The following GGH variants were observed in gnomAD, a reference collection of about 807,000 sequenced individuals.
GGH encodes the protein gamma-glutamyl hydrolase.
A neutral mutation model predicts 39.2 loss-of-function variants in GGH; 18 were observed. The observed-to-expected ratio is 0.46, with a 90% CI of 0.32 to 0.68. The LOEUF (loss-of-function observed/expected upper bound fraction) is 0.68, where lower values mean the gene tolerates loss of function less well. Ranked by LOEUF, GGH falls within the 30% of genes least tolerant of loss-of-function variation. The probability of loss-of-function intolerance (pLI) is 0.04; values close to 1 mark genes in which losing one functional copy is unlikely to be tolerated. For missense variants in GGH, 367 were observed against 384.1 expected (o/e 0.96, Z 0.37); for synonymous variants, 147 against 138.8 (o/e 1.06, Z -0.42).
At chr8:63,037,299 AGT>A (rs1804927582) in intron 1 of GGH, among the ~76,000 whole-genome samples, 1 of 152,178 alleles carries the variant, frequency 6.6e-6, no homozygotes, top group Admixed American at 6.5e-5. Flanking sequence ...TAGGAAATGG[AGT>A]GGTACAGGGT....
At chr8:63,031,946 A>G (rs1343801192) in intron 2 of GGH, among the ~76,000 whole-genome samples, 1 of 152,248 alleles carries the variant, frequency 6.6e-6, no homozygotes, top group Admixed American at 6.5e-5. Context: ...ATTGTTGCCA[A>G]TGGGGAGTGT....
intron 3 of GGH, among the ~76,000 whole-genome samples, chr8:63,027,646 T>C (rs572820053): frequency 8.8e-4 from 134 of 152,244 alleles, no homozygotes; most frequent in African/African-American, 3.1e-3. Context: ...GCCAAATCAA[T>C]TGCAGGTCCA....
intron 5 of GGH, chr8:63,025,041 G>A (rs987072461): frequency 2.0e-5 from 3 of 152,128 alleles, no homozygotes; most frequent in Non-Finnish European, 4.4e-5. Flanking sequence ...AGAAATAGCT[G>A]GTGGCTTCAA....
chr8:63,037,446 C>T (rs1033082665), intron 1 of GGH, among the ~76,000 whole-genome samples: 1 of 152,116 alleles, frequency 6.6e-6, no homozygotes, highest in Non-Finnish European at 1.5e-5. Context: ...CTTTTCCCAT[C>T]CCTGGGAAAA....
At chr8:63,017,177 C>T (rs1044549762) in intron 8 of GGH, among the ~76,000 whole-genome samples, 12 of 151,618 alleles carry the variant, frequency 7.9e-5, no homozygotes, top group African/African-American at 2.9e-4. Flanking sequence ...GGCGACAGAG[C>T]AAGATCCTGT....
chr8:63,015,986 A>C (rs963420262), intron 8 of GGH, among the ~76,000 whole-genome samples: 1 of 152,214 alleles, frequency 6.6e-6, no homozygotes, highest in African/African-American at 2.4e-5. Context: ...CTACAAGAGT[A>C]AAAAAGATGG....
At chr8:63,034,343 C>A (rs183001029) in intron 2 of GGH, among the ~76,000 whole-genome samples, 3 of 152,028 alleles carry the variant, frequency 2.0e-5, no homozygotes, top group African/African-American at 7.2e-5. Context: ...TAAATCTAAA[C>A]CTAAAGCCAT....
At chr8:63,038,379 G>A (rs547752026) in intron 1 of GGH, among the ~76,000 whole-genome samples, 1 of 152,314 alleles carries the variant, frequency 6.6e-6, no homozygotes, top group Non-Finnish European at 1.5e-5. Flanking sequence ...TCCTAGCTGT[G>A]TACAAAAAAA....
At chr8:63,016,883 A>G (rs1471018421) in intron 8 of GGH, among the ~76,000 whole-genome samples, 2 of 152,230 alleles carry the variant, frequency 1.3e-5, no homozygotes, top group Admixed American at 1.3e-4. Flanking sequence ...GCCTACAGAG[A>G]GGTAGCCTTA....
chr8:63,036,408 A>ATGACACATG (rs1450917449), intron 1 of GGH, among the ~76,000 whole-genome samples: 2 of 152,204 alleles, frequency 1.3e-5, no homozygotes, highest in Non-Finnish European at 2.9e-5. Context: ...CTGGGGACAC[A>ATGACACATG]TGACTATGAG....
rs146109145 is a variant in GGH, at chr8:63,024,108, T to A, written c.578A>T (p.Asn193Ile). 1 of 1,609,186 alleles carries A rather than the reference T, an allele frequency of 6.2e-7. No individual in the cohort carries two copies. The highest frequency in any genetic ancestry group is 2.2e-5 in the East Asian group (1 of 44,812). Reference protein sequence around the residue: ...LSLAVEPLTANFHKWSLSVKN... With the variant: ...LSLAVEPLTAIFHKWSLSVKN... ...CACGGAGAGGCTCCACTTATGGAAATTGGCAGTCAGAGGTTCTACTGCTAA... is the reference window on the plus strand; with the variant it reads ...CACGGAGAGGCTCCACTTATGGAAAATGGCAGTCAGAGGTTCTACTGCTAA... Residue 193 changes from asparagine (N) to isoleucine (I), a missense_variant, in exon 6 of 9, where the codon AAT becomes ATT. By Grantham distance (149) the Asn-to-Ile change is moderately radical (BLOSUM62 -3). Transcript: ENST00000260118.
At position 63,038,677 on chromosome 8, in the gene GGH, G is replaced by A; in HGVS notation, c.92C>T (p.Ala31Val). The A allele has an allele frequency of 6.5e-7, 1 of 1,541,508 alleles. No homozygotes were observed. Among genetic ancestry groups the A allele is most frequent in the Non-Finnish European group, 8.8e-7 (1 of 1,136,444 alleles). ...CTCCTTACCGATGATGGGCTTCTTG[G>A]CGGTGTCGCCGTGGGGTCTAGACAG... Reference protein sequence around the residue: ...LELSRPHGDTAKKPIIGILMQ... With the variant: ...LELSRPHGDTVKKPIIGILMQ... Residue 31 changes from alanine (A) to valine (V), a missense_variant, in exon 1 of 9, where the codon GCC becomes GTC. Ala to Val is a moderately conservative substitution (Grantham distance 64). Transcript: ENST00000260118.
At chr8:63,029,847 G>A (rs1209437170) in intron 3 of GGH, 2 of 190,996 alleles carry the variant, frequency 1.0e-5, no homozygotes, top group Non-Finnish European at 2.1e-5. Context: ...CCATATGCAA[G>A]CAGTATGCCA....
intron 2 of GGH, among the ~76,000 whole-genome samples, chr8:63,032,829 T>C (rs1303567428): frequency 1.3e-4 from 20 of 152,226 alleles, no homozygotes; most frequent in Admixed American, 1.3e-3. Flanking sequence ...GCATCTCTCA[T>C]AAATACCAAT....
intron 7 of GGH, among the ~76,000 whole-genome samples, chr8:63,019,357 C>A (rs1304114592): frequency 6.6e-6 from 1 of 152,208 alleles, no homozygotes; most frequent in Non-Finnish European, 1.5e-5. Context: ...GTTGAGCAAA[C>A]TTTCCATTCG....
chr8:63,018,352 T>C (rs539124367), intron 7 of GGH, among the ~76,000 whole-genome samples: 1 of 151,668 alleles, frequency 6.6e-6, no homozygotes, highest in East Asian at 1.9e-4. Context: ...CAGATGTGCC[T>C]TTCCTCATTT....
At chr8:63,029,675 T>C (rs1804766421) in intron 3 of GGH, among the ~76,000 whole-genome samples, 1 of 152,102 alleles carries the variant, frequency 6.6e-6, no homozygotes, top group Admixed American at 6.6e-5. Flanking sequence ...ACAGGCCCCA[T>C]AGAGTATAAG....
At chr8:63,029,859 G>A (rs1235086464) in intron 3 of GGH, 3 of 200,178 alleles carry the variant, frequency 1.5e-5, no homozygotes, top group South Asian at 1.9e-4. Context: ...AGTATGCCAC[G>A]CCATTCAAGG....
chr8:63,015,985 T>TA lies in GGH; in HGVS notation c.836-533dup, dbSNP rs1016783704. Among the ~76,000 whole-genome samples, 7 of 151,596 alleles carry TA rather than the reference T, an allele frequency of 4.6e-5. No individual in the cohort carries two copies. In the East Asian group the frequency reaches 7.8e-4, roughly 17 times the overall value. On this transcript the variant is annotated intron_variant, in intron 8 of 8. Coordinates refer to ENST00000260118, the MANE Select transcript of GGH (RefSeq NM_003878.3). The stretch of plus-strand genomic sequence containing the variant: ...GTATCATCACTGGATGCTACAAGAG[T>TA]AAAAAAGATGGAGAAACTGGTGAAG...
Sources: gnomAD v4.1 joint callset for allele counts (sites outside exome capture counted in the v4.1 genomes callset) on GRCh38, gnomAD v4.1.1 for gene constraint, MANE v1.5 for transcripts, NCBI Gene and HGNC (gene_info 2026-07-23, HGNC 2026-07-21) for gene names.